Variants in CCDC85C observed in about 807,000 individuals in gnomAD.
The protein encoded by CCDC85C is coiled-coil domain-containing protein 85C.
A neutral mutation model predicts 38.3 loss-of-function variants in CCDC85C; 18 were observed. The observed-to-expected ratio is 0.47, with a 90% confidence interval of 0.33 to 0.70. The LOEUF is 0.70. Among genes scored for constraint, CCDC85C ranks in the 30% least tolerant of loss-of-function variants. The pLI, the probability that CCDC85C is intolerant of heterozygous loss-of-function variation, is 0.03. For missense variants in CCDC85C, 566 were observed against 621.2 expected, an observed-to-expected ratio of 0.91 and a Z score of 0.94; for synonymous variants, 264 against 293.8, an observed-to-expected ratio of 0.90 and a Z score of 1.04.
At chr14:99,564,892 C>A (rs1372441736) in intron 1 of CCDC85C, among the ~76,000 whole-genome samples, 1 of 152,198 alleles carries the variant, frequency 6.6e-6, no homozygotes, top group Non-Finnish European at 1.5e-5. Context: ...GGCGTGGGGA[C>A]AAGTGCAGAG....
chr14:99,580,277 G>T (rs1339675762), intron 1 of CCDC85C, among the ~76,000 whole-genome samples: 1 of 151,796 alleles, frequency 6.6e-6, no homozygotes, highest in African/African-American at 2.4e-5. Flanking sequence ...AAGATATAGT[G>T]CTGTCCTAAG....
chr14:99,589,025 T>G (rs370208293), intron 1 of CCDC85C, among the ~76,000 whole-genome samples: 2 of 151,034 alleles, frequency 1.3e-5, no homozygotes, highest in East Asian at 3.9e-4. Context: ...GATGTTTTCA[T>G]GAAAACATCG....
intron 1 of CCDC85C, among the ~76,000 whole-genome samples, chr14:99,564,743 G>T (rs1898182298): frequency 6.6e-6 from 1 of 152,202 alleles, no homozygotes; most frequent in African/African-American, 2.4e-5. Flanking sequence ...ACAACAGCAG[G>T]AACAACATCC....
chr14:99,571,105 C>G (rs1898331882), intron 1 of CCDC85C, among the ~76,000 whole-genome samples: 1 of 152,140 alleles, frequency 6.6e-6, no homozygotes, highest in East Asian at 1.9e-4. Context: ...AGCAGACCAC[C>G]CCACCCTCAC....
chr14:99,574,064 G>A (rs1898417099), intron 1 of CCDC85C, among the ~76,000 whole-genome samples: 1 of 152,158 alleles, frequency 6.6e-6, no homozygotes, highest in Admixed American at 6.5e-5. Flanking sequence ...TGACAGGAGG[G>A]CTCAGTGCAC....
At chr14:99,560,474 A>C (rs978498414) in intron 1 of CCDC85C, among the ~76,000 whole-genome samples, 1 of 152,200 alleles carries the variant, frequency 6.6e-6, no homozygotes, top group African/African-American at 2.4e-5. Flanking sequence ...TGAGTACCAC[A>C]CACAGAGACT....
In CCDC85C at chr14:99,502,065, T is replaced by C; in HGVS notation, c.*13181A>G. 4 of 305,750 alleles carry C rather than the reference T, an allele frequency of 1.3e-5. No individual in the cohort carries two copies. Among genetic ancestry groups the C allele is most frequent in the Non-Finnish European group, 1.8e-5 (4 of 225,698 alleles). 18.9% of individuals were successfully genotyped at this position (305,750 alleles called of 1,614,324 possible). A position where few individuals can be genotyped will look rare whatever the true frequency, so the allele number is the denominator to read the frequency against. On this transcript the variant is annotated 3_prime_UTR_variant, in exon 6 of 6. Transcript: ENST00000380243. ...CGGGTACCTTTAGAAGAGTAAAGAC[T>C]TGAGTTTATTTATTTATAGTACTTT...
intron 1 of CCDC85C, among the ~76,000 whole-genome samples, chr14:99,552,692 C>T (rs1487432382): frequency 1.3e-5 from 2 of 152,234 alleles, no homozygotes; most frequent in African/African-American, 4.8e-5. Context: ...CCTGTCACCA[C>T]TTCACGTGCT....
Position 99,515,370 on chromosome 14 carries a change from C to G in CCDC85C, c.1171-35G>C. ...GGAGAGAGATGTGAGTGGTGGGACT[C>G]ACCCGCGTCCACCTGCCGCCTATGC... is the stretch of plus-strand genomic sequence containing the variant. On this transcript the variant is annotated intron_variant, in intron 5 of 5. Coordinates refer to ENST00000380243, the MANE Select transcript of CCDC85C (RefSeq NM_001144995.2). The G allele has an allele frequency of 2.1e-6, 3 of 1,461,668 alleles. No homozygotes were observed. The East Asian group carries it at 7.4e-5, about 36-fold the overall frequency. The allele number at this position is 1,461,668 out of a possible 1,614,324, so 90.5% of individuals were successfully genotyped here.
At chr14:99,577,845 TCCC>T (rs1305937002) in intron 1 of CCDC85C, among the ~76,000 whole-genome samples, 97 of 134,332 alleles carry the variant, frequency 7.2e-4, no homozygotes, top group Admixed American at 1.4e-3. Context: ...CCGTCCTGTA[TCCC>T]CCATCAGTGT....
intron 1 of CCDC85C, among the ~76,000 whole-genome samples, chr14:99,582,192 GC>G (rs903988753): frequency 6.6e-6 from 1 of 152,190 alleles, no homozygotes; most frequent in South Asian, 2.1e-4. Context: ...ACCAGGCCTG[GC>G]CCCCCATCAC....
intron 1 of CCDC85C, among the ~76,000 whole-genome samples, chr14:99,593,631 G>A (rs894167509): frequency 1.4e-4 from 21 of 152,240 alleles, no homozygotes; most frequent in African/African-American, 4.1e-4. Flanking sequence ...AGGCAGGGCC[G>A]TTTACTCCTC....
intron 1 of CCDC85C, among the ~76,000 whole-genome samples, chr14:99,543,388 T>A (rs868241835): frequency 6.6e-6 from 1 of 152,020 alleles, no homozygotes; most frequent in African/African-American, 2.4e-5. Context: ...ATATTATTGG[T>A]CAAAGGCACA....
At chr14:99,565,242 C>T (rs1175352934) in intron 1 of CCDC85C, among the ~76,000 whole-genome samples, 3 of 152,214 alleles carry the variant, frequency 2.0e-5, no homozygotes, top group Non-Finnish European at 4.4e-5. Flanking sequence ...CCTTCCACAG[C>T]TCGTCGTGTG....
Position 99,516,958 on chromosome 14 carries a change from A to G in CCDC85C, c.1071+130T>C. 1.2e-6 allele frequency: 1 copy of G among 842,584 alleles called. No homozygotes were observed. Among genetic ancestry groups the G allele is most frequent in the East Asian group, 2.7e-5 (1 of 37,680 alleles). 52.2% of individuals were successfully genotyped at this position (842,584 alleles called of 1,614,324 possible). A position where few individuals can be genotyped will look rare whatever the true frequency, so the allele number is the denominator to read the frequency against. On this transcript the variant is annotated intron_variant, in intron 4 of 5. Transcript: ENST00000380243. This position sits in a 1 kb window ranked among gnomAD's most constrained non-coding sequence, Gnocchi z 5.5. ...CACAGTGCTCCAGGCAGCCATGGTC[A>G]CCCAGCCACCCACACACAGATGAAA...
chr14:99,550,894 G>A (rs558606781), intron 1 of CCDC85C, among the ~76,000 whole-genome samples: 5 of 152,260 alleles, frequency 3.3e-5, no homozygotes, highest in African/African-American at 9.6e-5. Flanking sequence ...TCCAATATAC[G>A]ACTGCTCACC....
intron 1 of CCDC85C, among the ~76,000 whole-genome samples, chr14:99,561,629 G>A (rs889301018): frequency 1.3e-5 from 2 of 152,158 alleles, no homozygotes; most frequent in South Asian, 2.1e-4. Flanking sequence ...CTGCGAGCGG[G>A]CAGACCCTCC....
At position 99,501,083 on chromosome 14, in the gene CCDC85C, G is replaced by GC; in HGVS notation, c.*14162_*14163insG. ...CTCTGTCATCCAGTTGCCAAGTGAT[G>GC]GGAGAGGCAGGAAAATGAGGCAGAA... On this transcript the variant is annotated 3_prime_UTR_variant, in exon 6 of 6. Coordinates refer to ENST00000380243, the MANE Select transcript of CCDC85C (RefSeq NM_001144995.2). The GC allele has an allele frequency of 1.7e-6, 1 of 601,054 alleles. No homozygotes were observed. Among genetic ancestry groups the GC allele is most frequent in the Non-Finnish European group, 2.9e-6 (1 of 342,796 alleles). 37.2% of individuals were successfully genotyped at this position (601,054 alleles called of 1,614,324 possible).
rs1306974337 is a variant in CCDC85C, at chr14:99,501,471, G to A, written c.*13775C>T. ...ATTTTAAAATAGGCAGAGACTTTAT[G>A]GACCATTTCATCTAAACCCCTCATT... On this transcript the variant is annotated 3_prime_UTR_variant, in exon 6 of 6. Coordinates refer to ENST00000380243, the MANE Select transcript of CCDC85C (RefSeq NM_001144995.2). 2.6e-6 allele frequency: 3 copies of A among 1,158,830 alleles called. No homozygotes were observed. The highest frequency in any genetic ancestry group is 3.9e-6 in the Non-Finnish European group (3 of 773,758). The allele number at this position is 1,158,830 out of a possible 1,614,324, so 71.8% of individuals were successfully genotyped here.
Sources: gnomAD v4.1 joint callset for allele counts (sites outside exome capture counted in the v4.1 genomes callset) on GRCh38, gnomAD v4.1.1 for gene constraint, Gnocchi (gnomAD v3.1) non-coding constraint, MANE v1.5 for transcripts, NCBI Gene and HGNC (gene_info 2026-07-23, HGNC 2026-07-21) for gene names.